DAPK2: variants seen among roughly 807,000 people sequenced by gnomAD.
The protein encoded by DAPK2 is death associated protein kinase 2.
In DAPK2, 35 loss-of-function variants were observed where a neutral mutation model predicts 44.1. That is an observed-to-expected ratio of 0.79 (90% CI 0.61 to 1.05). The LOEUF (loss-of-function observed/expected upper bound fraction) is 1.05. Among genes scored for constraint, DAPK2 ranks in the 50% least tolerant of loss-of-function variants. The probability of loss-of-function intolerance (pLI) is 0.00; values close to 1 mark genes in which losing one functional copy is unlikely to be tolerated. For synonymous variants in DAPK2, 174 were observed against 182.6 expected (o/e 0.95, Z 0.38); for missense variants, 453 against 483.2 (o/e 0.94, Z 0.59).
At chr15:64,021,686 G>C (rs1232448267) in intron 1 of DAPK2, among the ~76,000 whole-genome samples, 1 of 152,180 alleles carries the variant, frequency 6.6e-6, no homozygotes, top group African/African-American at 2.4e-5. Flanking sequence ...TTGTGTAAGA[G>C]GCACAGATAC....
chr15:63,995,110 C>G (rs902690408), intron 1 of DAPK2, among the ~76,000 whole-genome samples: 4 of 152,090 alleles, frequency 2.6e-5, no homozygotes, highest in Non-Finnish European at 5.9e-5. Context: ...ATATCATTTT[C>G]AATTTTTAAT....
chr15:64,000,531 C>T (rs8033712), intron 1 of DAPK2, among the ~76,000 whole-genome samples: 148,869 of 152,284 alleles, frequency 0.98, 72,850 homozygotes, highest in East Asian at 1. Flanking sequence ...ATGCAACTAA[C>T]AGCTGGTTGG....
chr15:64,043,932 T>C (rs1456753629), upstream of DAPK2, among the ~76,000 whole-genome samples: 1 of 152,190 alleles, frequency 6.6e-6, no homozygotes, highest in Non-Finnish European at 1.5e-5. Context: ...CCCAGCCTCC[T>C]TTCTCAAGGC....
At chr15:64,043,825 T>C (rs549494529), upstream of DAPK2, among the ~76,000 whole-genome samples, 1 of 152,324 alleles carries the variant, frequency 6.6e-6, no homozygotes, top group South Asian at 2.1e-4. Flanking sequence ...TGGAGCCCCA[T>C]AAGGGCAAGA....
intron 2 of DAPK2, among the ~76,000 whole-genome samples, chr15:63,977,283 C>G (rs947658247): frequency 2.0e-5 from 3 of 152,190 alleles, no homozygotes; most frequent in Non-Finnish European, 2.9e-5. Context: ...CTCAGTGTCT[C>G]ATGGGTGAGG....
At chr15:63,988,260 CT>C (rs2078718794) in intron 1 of DAPK2, among the ~76,000 whole-genome samples, 1 of 152,104 alleles carries the variant, frequency 6.6e-6, no homozygotes, top group Non-Finnish European at 1.5e-5. Flanking sequence ...CAGGTGCCAC[CT>C]CATAAGGGCT....
At chr15:64,029,447 C>T (rs1202072054) in intron 1 of DAPK2, among the ~76,000 whole-genome samples, 1 of 152,162 alleles carries the variant, frequency 6.6e-6, no homozygotes, top group African/African-American at 2.4e-5. Flanking sequence ...GTGGCAGAGC[C>T]CTCACCCTTG....
intron 1 of DAPK2, among the ~76,000 whole-genome samples, chr15:63,985,878 G>C (rs2078655056): frequency 6.6e-6 from 1 of 152,188 alleles, no homozygotes; most frequent in South Asian, 2.1e-4. Context: ...AAGCAAATGA[G>C]TGTTTGCTTT....
intron 1 of DAPK2, among the ~76,000 whole-genome samples, chr15:63,985,290 A>T (rs1468197438): frequency 1.3e-5 from 2 of 152,344 alleles, no homozygotes; most frequent in East Asian, 3.9e-4. Flanking sequence ...TGAGCTGTGC[A>T]CACACTAAGG....
At chr15:63,924,560 T>C in intron 8 of DAPK2, 1 of 460,960 alleles carries the variant, frequency 2.2e-6, no homozygotes, top group Non-Finnish European at 3.9e-6. Context: ...AGAAAAAGGG[T>C]TTCAACTGTG....
intron 1 of DAPK2, among the ~76,000 whole-genome samples, chr15:64,038,802 G>C (rs2080280599): frequency 6.6e-6 from 1 of 152,126 alleles, no homozygotes; most frequent in Admixed American, 6.5e-5. Flanking sequence ...AAATCTTGGG[G>C]CCCCCACATC....
upstream of DAPK2, among the ~76,000 whole-genome samples, chr15:64,041,814 A>G (rs2080360188): frequency 6.6e-6 from 1 of 152,118 alleles, no homozygotes; most frequent in Non-Finnish European, 1.5e-5. Context: ...CCCCCTGCAA[A>G]CCAGAGCTTC....
intron 1 of DAPK2, among the ~76,000 whole-genome samples, chr15:64,007,753 C>A (rs1331046533): frequency 6.6e-6 from 1 of 152,132 alleles, no homozygotes; most frequent in Admixed American, 6.5e-5. Context: ...CACTAAATGT[C>A]AAGACGATAC....
intron 7 of DAPK2, 73 bp from the exon 9 acceptor site, chr15:63,924,934 C>T: frequency 6.6e-7 from 1 of 1,521,648 alleles, no homozygotes. Flanking sequence ...CGTTCTCACT[C>T]TTTTTAGACC....
intron 1 of DAPK2, among the ~76,000 whole-genome samples, chr15:64,028,557 A>C (rs1229714633): frequency 6.6e-6 from 1 of 152,224 alleles, no homozygotes; most frequent in Non-Finnish European, 1.5e-5. Flanking sequence ...TTAGAGCAAG[A>C]GTGATAGCTT....
chr15:64,023,307 G>C (rs1032331545), intron 1 of DAPK2, among the ~76,000 whole-genome samples: 4 of 152,210 alleles, frequency 2.6e-5, no homozygotes, highest in South Asian at 2.1e-4. Flanking sequence ...ACCTAGATGA[G>C]CATAGGACTC....
chr15:64,006,537 A>T (rs553266935), intron 1 of DAPK2, among the ~76,000 whole-genome samples: 1 of 152,212 alleles, frequency 6.6e-6, no homozygotes, highest in African/African-American at 2.4e-5. Context: ...TCACCAAAGC[A>T]GGGCAGAAAC....
rs1425846981 is a variant in DAPK2 at position 64,020,017 on chromosome 15, T to C, written c.92+20153A>G. 1.3e-5 allele frequency among the ~76,000 whole-genome samples: 2 copies of C among 152,178 alleles called. No homozygotes were observed. Among genetic ancestry groups the C allele is most frequent in the Admixed American group, 6.5e-5 (1 of 15,268 alleles). On this transcript the variant is annotated intron_variant, in intron 1 of 10. Transcript: ENST00000261891. This position sits in a 1 kb window ranked among gnomAD's most constrained non-coding sequence, Gnocchi z 4.5. Reference sequence around the variant, plus strand: ...AGACTTGGTGCCAAACCACTGTGTCTAATCTCAGCAGAAGCAGTCTCAGTG... The same window carrying C: ...AGACTTGGTGCCAAACCACTGTGTCCAATCTCAGCAGAAGCAGTCTCAGTG...
intron 1 of DAPK2, among the ~76,000 whole-genome samples, chr15:64,008,274 C>T (rs1031133608): frequency 6.6e-6 from 1 of 152,066 alleles, no homozygotes. Context: ...TCAACTCTAC[C>T]CTATATGCAG....
Sources: gnomAD v4.1 joint callset for allele counts (sites outside exome capture counted in the v4.1 genomes callset) on GRCh38, gnomAD v4.1.1 for gene constraint, Gnocchi (gnomAD v3.1) non-coding constraint, MANE v1.5 for transcripts, NCBI Gene and HGNC (gene_info 2026-07-23, HGNC 2026-07-21) for gene names.